Variants in HMGN5 observed in about 807,000 individuals in gnomAD.
HMGN5 encodes high mobility group nucleosome binding domain 5, also known as high mobility group nucleosome-binding domain-containing protein 5.
A neutral mutation model predicts 9.5 loss-of-function variants in HMGN5; 4 were observed. The ratio of observed to expected loss-of-function variants is 0.42; its 90% CI spans 0.21 to 0.96. The LOEUF (loss-of-function observed/expected upper bound fraction) is 0.96. Among genes scored for constraint, HMGN5 ranks in the 40% least tolerant of loss-of-function variants. The pLI is 0.30. For missense variants in HMGN5, 192 were observed against 187.5 expected (o/e 1.02, Z -0.14); for synonymous variants, 55 against 57.1 (o/e 0.96, Z 0.16).
At chrX:81,115,299 A>G (rs2075250185) in intron 6 of HMGN5, 69 bp from the exon 7 acceptor site, 3 of 1,032,657 alleles carry the variant, frequency 2.9e-6, no homozygotes, top group Non-Finnish European at 3.8e-6. Context: ...CTAAATATTT[A>G]CACTGGATTA....
intron 1 of HMGN5, among the ~76,000 whole-genome samples, chrX:81,187,131 C>T (rs1045285110): frequency 9.0e-6 from 1 of 111,421 alleles, no homozygotes; most frequent in African/African-American, 3.3e-5. Context: ...ATGGTCTATC[C>T]TTGAGAATGA....
chrX:81,187,811 G>C (rs1758711512), intron 1 of HMGN5, among the ~76,000 whole-genome samples: 1 of 110,130 alleles, frequency 9.1e-6, no homozygotes, highest in African/African-American at 3.3e-5. Flanking sequence ...TTTATTAAAG[G>C]TGATTTTCTT....
Position 81,115,020 on chromosome X carries a change from C to T in HMGN5, c.478G>A (p.Asp160Asn). The stretch of plus-strand genomic sequence containing the variant: ...TCTCCTTTCTCATTTCCATTTTTAT[C>T]CTCTTTTCCATCTTCTTCCCCTTTT... ...DEKGEEDGKE[D>N]KNGNEKGEDA... The change falls in exon 7 of 7, where the codon GAT (aspartate) becomes AAT (asparagine). Residue 160 changes from aspartate (D) to asparagine (N), a missense_variant. By Grantham distance (23) the Asp-to-Asn change is conservative. Coordinates refer to ENST00000358130, the MANE Select transcript of HMGN5 (RefSeq NM_030763.3). The T allele has an allele frequency of 8.7e-7, 1 of 1,150,216 alleles. No individual in the cohort carries two copies. The highest frequency in any genetic ancestry group is 1.2e-6 in the Non-Finnish European group (1 of 867,509). 94.8% of individuals were successfully genotyped at this position (1,150,216 alleles called of 1,213,427 possible).
chrX:81,118,886 G>T, intron 3 of HMGN5, 127 bp from the exon 4 acceptor site: 2 of 452,836 alleles, frequency 4.4e-6, no homozygotes, highest in Non-Finnish European at 3.7e-6. Flanking sequence ...TGTGAATTTG[G>T]TTAGAAAATA....
At chrX:81,176,192 T>C (rs2075441174) in intron 1 of HMGN5, among the ~76,000 whole-genome samples, 1 of 111,766 alleles carries the variant, frequency 8.9e-6, no homozygotes, top group Non-Finnish European at 1.9e-5. Flanking sequence ...CAGAGGGGCC[T>C]GACTGTTAGA....
intron 1 of HMGN5, among the ~76,000 whole-genome samples, chrX:81,140,565 A>C (rs200563198): frequency 2.0e-5 from 2 of 100,012 alleles, no homozygotes; most frequent in South Asian, 1.1e-3. Flanking sequence ...GTCTCAAAAA[A>C]AAAAAAAAAA....
chrX:81,165,767 C>T (rs1054974192), intron 1 of HMGN5, among the ~76,000 whole-genome samples: 4 of 111,390 alleles, frequency 3.6e-5, no homozygotes, highest in Non-Finnish European at 7.5e-5. Flanking sequence ...CAGGGTCAAA[C>T]GTCAGGATCA....
At chrX:81,135,645 A>C (rs2075309179) in intron 1 of HMGN5, among the ~76,000 whole-genome samples, 1 of 111,242 alleles carries the variant, frequency 9.0e-6, no homozygotes, top group Admixed American at 9.6e-5. Flanking sequence ...CAATAGAGAC[A>C]AAAAATATCT....
intron 5 of HMGN5, among the ~76,000 whole-genome samples, chrX:81,116,810 T>C (rs2075255053): frequency 8.9e-6 from 1 of 112,090 alleles, no homozygotes; most frequent in African/African-American, 3.2e-5. Flanking sequence ...AATTTAGATA[T>C]ATTTTTAAAA....
At chrX:81,163,879 C>T (rs2075404013) in intron 1 of HMGN5, among the ~76,000 whole-genome samples, 1 of 111,460 alleles carries the variant, frequency 9.0e-6, no homozygotes, top group Non-Finnish European at 1.9e-5. Context: ...CTCCTGAGAT[C>T]TGAGACAGGT....
At chrX:81,185,867 AATAATC>A (rs1321285978) in intron 1 of HMGN5, among the ~76,000 whole-genome samples, 1 of 111,745 alleles carries the variant, frequency 8.9e-6, no homozygotes, top group Non-Finnish European at 1.9e-5. Flanking sequence ...CATCAATTGA[AATAATC>A]ATATGATTTT....
At chrX:81,166,190 T>C (rs781281375) in intron 1 of HMGN5, among the ~76,000 whole-genome samples, 1 of 111,224 alleles carries the variant, frequency 9.0e-6, no homozygotes, top group Non-Finnish European at 1.9e-5. Context: ...TAGCGACTGA[T>C]CTAGGAGAAT....
intron 5 of HMGN5, among the ~76,000 whole-genome samples, chrX:81,117,775 C>T (rs753620484): frequency 1.4e-4 from 15 of 110,443 alleles, no homozygotes; most frequent in Non-Finnish European, 2.1e-4. Context: ...ACAGTTTATA[C>T]TTTCTTCAAC....
At chrX:81,197,555 A>G (rs982996294) in intron 1 of HMGN5, among the ~76,000 whole-genome samples, 1 of 111,557 alleles carries the variant, frequency 9.0e-6, no homozygotes, top group African/African-American at 3.3e-5. Context: ...CAAAGACCTC[A>G]AGAGGAAAGT....
intron 1 of HMGN5, among the ~76,000 whole-genome samples, chrX:81,160,461 G>A (rs971316945): frequency 1.8e-5 from 2 of 110,861 alleles, no homozygotes; most frequent in Admixed American, 9.7e-5. Flanking sequence ...CTACTAACCT[G>A]TCATCTAGGT....
In HMGN5 at chrX:81,200,007, C is replaced by T. The variant is rs1020736864; in HGVS notation, c.-124+1730G>A. 1.7e-4 allele frequency among the ~76,000 whole-genome samples: 19 copies of T among 111,819 alleles called. 1 individual carries two copies. Among genetic ancestry groups the T allele is most frequent in the African/African-American group, 3.9e-4 (12 of 30,723 alleles). On this transcript the variant is annotated intron_variant, in intron 1 of 6. Transcript: ENST00000358130. ...ACAAAGGGCTAATATCCAGAATCTA[C>T]GAAGAACTTAAACAAATTTACAAGA... is the stretch of plus-strand genomic sequence containing the variant.
At chrX:81,122,223 G>A (rs1172084291) in intron 1 of HMGN5, among the ~76,000 whole-genome samples, 1 of 111,923 alleles carries the variant, frequency 8.9e-6, no homozygotes, top group East Asian at 2.8e-4. Flanking sequence ...CAAGAGGAGG[G>A]TGCCAAAATG....
chrX:81,178,364 A>G (rs757628355), intron 1 of HMGN5, among the ~76,000 whole-genome samples: 3 of 111,708 alleles, frequency 2.7e-5, no homozygotes, highest in Non-Finnish European at 5.6e-5. Context: ...GCAATAAAAA[A>G]GGATAAAGGG....
intron 1 of HMGN5, among the ~76,000 whole-genome samples, chrX:81,148,573 A>C (rs1371468779): frequency 1.8e-5 from 2 of 112,005 alleles, no homozygotes; most frequent in African/African-American, 3.2e-5. Context: ...AGGCATGGGC[A>C]AAGACTTCAT....
Sources: allele counts gnomAD v4.1 joint callset (sites outside exome capture counted in the v4.1 genomes callset), GRCh38; gene constraint gnomAD v4.1.1; transcripts MANE v1.5; gene names NCBI Gene and HGNC (gene_info 2026-07-23, HGNC 2026-07-21).